The following ITPR2 variants were observed in gnomAD, a reference collection of about 807,000 sequenced individuals.
The protein encoded by ITPR2 is inositol 1,4,5-trisphosphate-gated calcium channel ITPR2.
A neutral mutation model predicts 317.1 loss-of-function variants in ITPR2; 207 were observed. That is an observed-to-expected ratio of 0.65 (90% confidence interval 0.58 to 0.73). The LOEUF (loss-of-function observed/expected upper bound fraction) is 0.73. ITPR2 is among the 30% of genes least tolerant of loss of function. The pLI is 0.00. For missense variants in ITPR2, 2,613 were observed against 3,284.0 expected, an observed-to-expected ratio of 0.80 and a Z score of 4.99; for synonymous variants, 1,156 against 1,149.1, an observed-to-expected ratio of 1.01 and a Z score of -0.12.
intron 9 of ITPR2, among the ~76,000 whole-genome samples, chr12:26,700,436 A>G (rs1245483236): frequency 2.0e-5 from 3 of 152,258 alleles, no homozygotes; most frequent in African/African-American, 7.2e-5. Context: ...TTAACCTTAC[A>G]ATTATACTAT....
At chr12:26,385,025 C>G (rs57985779) in intron 55 of ITPR2, among the ~76,000 whole-genome samples, 6,230 of 152,222 alleles carry the variant, frequency 0.041, 309 homozygotes, top group African/African-American at 0.13. Context: ...GATCTCTGCA[C>G]TCTATGAGGC....
At chr12:26,758,046 T>C (rs1949558414) in intron 2 of ITPR2, among the ~76,000 whole-genome samples, 1 of 152,174 alleles carries the variant, frequency 6.6e-6, no homozygotes, top group African/African-American at 2.4e-5. Context: ...ACTGTCCAAA[T>C]TACTAATCGA....
At chr12:26,559,770 C>T (rs537751205) in intron 35 of ITPR2, among the ~76,000 whole-genome samples, 18 of 152,288 alleles carry the variant, frequency 1.2e-4, no homozygotes, top group African/African-American at 3.9e-4. Context: ...TGTCTAAGCA[C>T]CTTTGCATTT....
intron 2 of ITPR2, among the ~76,000 whole-genome samples, chr12:26,752,451 T>C (rs977296550): frequency 1.3e-5 from 2 of 152,136 alleles, no homozygotes; most frequent in Admixed American, 6.5e-5. Flanking sequence ...AAAACCAAGA[T>C]AGCCACAAGA....
intron 37 of ITPR2, among the ~76,000 whole-genome samples, chr12:26,548,361 G>A (rs1944439128): frequency 6.6e-6 from 1 of 152,126 alleles, no homozygotes; most frequent in African/African-American, 2.4e-5. Context: ...GACAGATGGG[G>A]GTGTGAAGTG....
At chr12:26,484,835 C>T (rs181508819) in intron 41 of ITPR2, among the ~76,000 whole-genome samples, 119 of 152,204 alleles carry the variant, frequency 7.8e-4, no homozygotes, top group African/African-American at 2.3e-3. Flanking sequence ...CCTCAGCCTC[C>T]GGAGTAGCTG....
At chr12:26,779,120 C>T (rs1345595870) in intron 2 of ITPR2, among the ~76,000 whole-genome samples, 1 of 152,164 alleles carries the variant, frequency 6.6e-6, no homozygotes, top group African/African-American at 2.4e-5. Flanking sequence ...CCATGTGACC[C>T]AACAGATCCA....
chr12:26,628,432 G>A (rs747238114), intron 22 of ITPR2, among the ~76,000 whole-genome samples: 24 of 152,202 alleles, frequency 1.6e-4, no homozygotes, highest in Non-Finnish European at 3.4e-4. Context: ...TAGAGGCATC[G>A]TGGGGGTCTG....
intron 10 of ITPR2, among the ~76,000 whole-genome samples, chr12:26,691,564 T>G (rs1438623255): frequency 6.6e-6 from 1 of 152,078 alleles, no homozygotes; most frequent in East Asian, 1.9e-4. Flanking sequence ...CCACATAGCC[T>G]CTCAAGTTGT....
chr12:26,679,581 T>C lies in ITPR2; in HGVS notation c.1409+2293A>G, dbSNP rs148857808. ...TTGCATTTCTTTATGGTTCTTCTAA[T>C]TGCTTAAACACCCCCAAAGAAATGG... On this transcript the variant is annotated intron_variant, in intron 13 of 56. Transcript: ENST00000381340. Among the ~76,000 whole-genome samples, 10 of 152,332 alleles carry C rather than the reference T, an allele frequency of 6.6e-5. No individual in the cohort carries two copies. The East Asian group carries it at 1.9e-3, about 29-fold the overall frequency.
intron 21 of ITPR2, 123 bp from the exon 22 acceptor site, chr12:26,632,182 T>C: frequency 3.4e-6 from 2 of 582,988 alleles, no homozygotes; most frequent in Non-Finnish European, 2.7e-6. Flanking sequence ...TAAGACAGAA[T>C]AGCATAAGCA....
At chr12:26,621,039 C>T (rs1946480099) in intron 26 of ITPR2, 84 bp downstream of exon 26, 1 of 1,261,124 alleles carries the variant, frequency 7.9e-7, no homozygotes, top group Admixed American at 2.3e-5. Flanking sequence ...TCTTTATGAA[C>T]AATTTTGATT....
At chr12:26,751,839 C>T (rs1949427177) in intron 2 of ITPR2, among the ~76,000 whole-genome samples, 1 of 151,384 alleles carries the variant, frequency 6.6e-6, no homozygotes, top group Non-Finnish European at 1.5e-5. Flanking sequence ...GCACTCCAGC[C>T]TGGGCGACAG....
intron 2 of ITPR2, among the ~76,000 whole-genome samples, chr12:26,776,750 C>G (rs1186667740): frequency 6.6e-6 from 1 of 152,192 alleles, no homozygotes; most frequent in Non-Finnish European, 1.5e-5. Context: ...TAGATAAACC[C>G]TGCACTGCCT....
chr12:26,443,567 A>G lies in ITPR2; in HGVS notation c.6426T>C (p.Tyr2142=), dbSNP rs1941538894. The change falls in exon 46 of 57, where the codon TAT becomes TAC. Residue 2142 remains tyrosine, a synonymous_variant. Coordinates refer to ENST00000381340, the MANE Select transcript of ITPR2 (RefSeq NM_002223.4). ...PDEGDEALKY[Y]ANHTAQIEIV... is the part of the protein sequence containing the mutation. Reference sequence around the variant, plus strand: ...CCTCAATCTGTGCAGTGTGGTTGGCATAATACTTTAAGGCTTCATCTCCTT... The same window carrying G: ...CCTCAATCTGTGCAGTGTGGTTGGCGTAATACTTTAAGGCTTCATCTCCTT... 1.9e-6 allele frequency: 3 copies of G among 1,612,566 alleles called. No individual in the cohort carries two copies. The highest frequency in any genetic ancestry group is 1.7e-5 in the Admixed American group (1 of 59,924).
At chr12:26,380,244 G>GT (rs1331157820) in intron 55 of ITPR2, among the ~76,000 whole-genome samples, 1 of 152,138 alleles carries the variant, frequency 6.6e-6, no homozygotes, top group Non-Finnish European at 1.5e-5. Flanking sequence ...TTCTGTCTCT[G>GT]TTTCACAAAC....
chr12:26,736,955 T>C (rs1156765652), intron 2 of ITPR2, among the ~76,000 whole-genome samples: 1 of 152,168 alleles, frequency 6.6e-6, no homozygotes, highest in East Asian at 1.9e-4. Flanking sequence ...AAATGTTGCC[T>C]AACAGAGAGA....
intron 22 of ITPR2, among the ~76,000 whole-genome samples, chr12:26,628,832 T>C (rs900065619): frequency 2.0e-5 from 3 of 152,156 alleles, no homozygotes; most frequent in African/African-American, 2.4e-5. Context: ...GAAAAAAATA[T>C]AGCACTGTTA....
At chr12:26,761,820 C>T (rs1949640527) in intron 2 of ITPR2, among the ~76,000 whole-genome samples, 1 of 152,122 alleles carries the variant, frequency 6.6e-6, no homozygotes, top group Non-Finnish European at 1.5e-5. Context: ...CAGTAAACTA[C>T]AAGAGATCTC....
Sources: allele counts gnomAD v4.1 joint callset (sites outside exome capture counted in the v4.1 genomes callset), GRCh38; gene constraint gnomAD v4.1.1; transcripts MANE v1.5; gene names NCBI Gene and HGNC (gene_info 2026-07-23, HGNC 2026-07-21).